Variants in UNC13B observed in about 807,000 individuals in gnomAD.
UNC13B encodes the protein protein unc-13 homolog B.
UNC13B carries 144 observed loss-of-function variants against 211.0 expected under a neutral mutation model. The ratio of observed to expected loss-of-function variants is 0.68; its 90% confidence interval spans 0.60 to 0.78. The LOEUF (loss-of-function observed/expected upper bound fraction) is 0.78. Ranked by LOEUF, UNC13B falls within the 30% of genes least tolerant of loss-of-function variation. The pLI is 0.00. For synonymous variants in UNC13B, 709 were observed against 725.8 expected (o/e 0.98, Z 0.37); for missense variants, 1,777 against 2,002.0 (o/e 0.89, Z 2.14).
intron 24 of UNC13B, among the ~76,000 whole-genome samples, chr9:35,388,653 TAGC>T (rs977042784): frequency 1.3e-5 from 2 of 152,234 alleles, no homozygotes; most frequent in African/African-American, 4.8e-5. Flanking sequence ...GTAAAGGTCT[TAGC>T]AGAGTGTGCG....
chr9:35,399,078 AGATGCTATCG>A, intron 33 of UNC13B, 44 bp downstream of exon 33: 1 of 1,613,690 alleles, frequency 6.2e-7, no homozygotes, highest in South Asian at 1.1e-5. Flanking sequence ...TGAGCAAAGC[AGATGCTATCG>A]GGCAAGGGAG....
chr9:35,402,464 A>ATTTTTACCC (rs1311367958), intron 37 of UNC13B, among the ~76,000 whole-genome samples: 3 of 151,566 alleles, frequency 2.0e-5, no homozygotes, highest in Non-Finnish European at 4.4e-5. Flanking sequence ...TTGTATTTTT[A>ATTTTTACCC]GTAGAGACGG....
rs759752944 is a variant in UNC13B, at chr9:35,377,599, A to G, written c.9967A>G (p.Thr3323Ala). ...CTTTGAAGTTATCCGGGACGTCTTCACAGTGAACAAAGCTGCCCATGTGCA... is the reference window on the plus strand; with the variant it reads ...CTTTGAAGTTATCCGGGACGTCTTCGCAGTGAACAAAGCTGCCCATGTGCA... ...EIFEVIRDVF[T>A]VNKAAHVQQM... Residue 3323 changes from threonine (T) to alanine (A), a missense_variant, in exon 16 of 40, where the codon ACA (threonine) becomes GCA (alanine). Thr to Ala is a moderately conservative substitution (Grantham distance 58, BLOSUM62 0). Coordinates refer to ENST00000635942, the MANE Select transcript of UNC13B (RefSeq NM_001371189.2). 1 of 1,614,254 alleles carries G rather than the reference A, an allele frequency of 6.2e-7. No individual in the cohort carries two copies. Among genetic ancestry groups the G allele is most frequent in the South Asian group, 1.1e-5 (1 of 91,090 alleles).
At chr9:35,381,429 A>C in intron 19 of UNC13B, 127 bp from the exon 20 acceptor site, 2 of 1,228,738 alleles carry the variant, frequency 1.6e-6, no homozygotes, top group Non-Finnish European at 1.1e-6. Context: ...GGAGGAACTG[A>C]GCAATGACTG....
intron 11 of UNC13B, chr9:35,364,503 C>T (rs891408726): frequency 5.7e-5 from 87 of 1,535,574 alleles, no homozygotes; most frequent in Non-Finnish European, 7.4e-5. Flanking sequence ...ACTGACTCTA[C>T]TAACCTTTCT....
chr9:35,193,012 C>T (rs966991232), intron 1 of UNC13B, among the ~76,000 whole-genome samples: 1 of 152,158 alleles, frequency 6.6e-6, no homozygotes, highest in Admixed American at 6.5e-5. Flanking sequence ...GCAGGTGTGA[C>T]CCCCAGCCAT....
At chr9:35,311,041 C>G (rs1325750831) in intron 10 of UNC13B, among the ~76,000 whole-genome samples, 3 of 152,268 alleles carry the variant, frequency 2.0e-5, no homozygotes, top group Middle Eastern at 3.4e-3. Flanking sequence ...CTGGCACGAT[C>G]TTGGCTCACT....
At chr9:35,331,628 C>G (rs956305611) in intron 11 of UNC13B, among the ~76,000 whole-genome samples, 4 of 152,204 alleles carry the variant, frequency 2.6e-5, no homozygotes, top group African/African-American at 9.7e-5. Flanking sequence ...TTTTCCTATT[C>G]TCCAAGAGCT....
chr9:35,376,039 G>A lies in UNC13B; in HGVS notation c.9627G>A (p.Val3209=), dbSNP rs1834381317. Residue 3209 remains valine, a synonymous_variant, in exon 15 of 40, where the codon GTG becomes GTA. Coordinates refer to ENST00000635942, the MANE Select transcript of UNC13B (RefSeq NM_001371189.2). ...TATGTGTCTTTCAGAAATCCCACGTGTATAAGAAAACCCTGCAGGCCTTAA... is the reference window on the plus strand; with the variant it reads ...TATGTGTCTTTCAGAAATCCCACGTATATAAGAAAACCCTGCAGGCCTTAA... ...SLKDEELKSH[V]YKKTLQALIY... 1.9e-6 allele frequency: 3 copies of A among 1,614,048 alleles called. No homozygotes were observed. The African/African-American group carries it at 4.0e-5, about 22-fold the overall frequency.
At chr9:35,239,328 C>G (rs906842461) in intron 5 of UNC13B, among the ~76,000 whole-genome samples, 1 of 152,028 alleles carries the variant, frequency 6.6e-6, no homozygotes, top group Non-Finnish European at 1.5e-5. Flanking sequence ...CGTCACATGT[C>G]GGCAGGTTCT....
In UNC13B at chr9:35,301,706, A is replaced by C; in HGVS notation, c.2302A>C (p.Lys768Gln). 1 of 398,926 alleles carries C rather than the reference A, an allele frequency of 2.5e-6. No individual in the cohort carries two copies. Among genetic ancestry groups the C allele is most frequent in the African/African-American group, 2.1e-5 (1 of 48,766 alleles). 24.7% of individuals were successfully genotyped at this position (398,926 alleles called of 1,614,324 possible). Residue 768 changes from lysine (K) to glutamine (Q), a missense_variant, in exon 9 of 40, where the codon AAA becomes CAA. By Grantham distance (53) the Lys-to-Gln change is moderately conservative. Coordinates refer to ENST00000635942, the MANE Select transcript of UNC13B (RefSeq NM_001371189.2). ...TCTGTCTCTTTTACCAGATCAACAA[A>C]AAATATGTGCCAAAGATACTCCAGG... ...IDLSLLPDQQ[K>Q]ICAKDTPGHP...
chr9:35,211,770 GTAT>G (rs1190723315), intron 1 of UNC13B, among the ~76,000 whole-genome samples: 3 of 152,156 alleles, frequency 2.0e-5, no homozygotes, highest in African/African-American at 7.2e-5. Flanking sequence ...TTGTAGAGCA[GTAT>G]TATTAAAGAT....
intron 10 of UNC13B, among the ~76,000 whole-genome samples, chr9:35,313,445 C>T (rs1030615027): frequency 6.6e-6 from 1 of 151,610 alleles, no homozygotes; most frequent in Non-Finnish European, 1.5e-5. Context: ...GGCAACATGG[C>T]GAAACATCGT....
chr9:35,308,398 C>G lies in UNC13B; in HGVS notation c.8994C>G (p.Pro2998=). ...QPVTLNDIKE[P]MTNKSPTSSS... ...TCACTCTGAATGACATCAAGGAGCCCATGACCAACAAAAGGCCTGTTCTTA... is the reference window on the plus strand; with the variant it reads ...TCACTCTGAATGACATCAAGGAGCCGATGACCAACAAAAGGCCTGTTCTTA... The change falls in exon 9 of 40, where the codon CCC becomes CCG. Residue 2998 remains proline, a synonymous_variant. Coordinates refer to ENST00000635942, the MANE Select transcript of UNC13B (RefSeq NM_001371189.2). 5.0e-6 allele frequency: 2 copies of G among 398,966 alleles called. No homozygotes were observed. Among genetic ancestry groups the G allele is most frequent in the East Asian group, 7.1e-5 (2 of 28,080 alleles). 24.7% of individuals were successfully genotyped at this position (398,966 alleles called of 1,614,324 possible).
chr9:35,300,639 A>T lies in UNC13B; in HGVS notation c.1235A>T (p.Glu412Val). ...CACCATATTGGAGATTTTCCTGAGG[A>T]ATATTATGTAGCAAATTCAGCATTG... Reference protein sequence around the residue: ...NVHHIGDFPEEYYVANSALPL... With the variant: ...NVHHIGDFPEVYYVANSALPL... The change falls in exon 9 of 40, where the codon GAA (glutamate) becomes GTA (valine). Residue 412 changes from glutamate (E) to valine (V), a missense_variant. Physicochemically the swap from Glu to Val is moderately radical, Grantham distance 121 (BLOSUM62 -2). Coordinates refer to ENST00000635942, the MANE Select transcript of UNC13B (RefSeq NM_001371189.2). 2.5e-6 allele frequency: 1 copy of T among 398,974 alleles called. No homozygotes were observed. The allele number at this position is 398,974 out of a possible 1,614,324, so 24.7% of individuals were successfully genotyped here.
At chr9:35,188,077 CAA>C (rs1228634518) in intron 1 of UNC13B, among the ~76,000 whole-genome samples, 2 of 152,170 alleles carry the variant, frequency 1.3e-5, no homozygotes, top group Non-Finnish European at 2.9e-5. Flanking sequence ...ATATTCCAAG[CAA>C]AAGTCAGAAA....
intron 22 of UNC13B, chr9:35,385,411 A>G: frequency 2.0e-6 from 2 of 985,410 alleles, no homozygotes; most frequent in Non-Finnish European, 2.4e-6. Context: ...CCAAGAAAAA[A>G]GCATGTGTGT....
intron 7 of UNC13B, among the ~76,000 whole-genome samples, chr9:35,289,266 G>A (rs147521757): frequency 3.9e-4 from 59 of 152,292 alleles, no homozygotes; most frequent in African/African-American, 1.4e-3. Context: ...GGCATCATAT[G>A]ATGTTCCTAG....
chr9:35,255,514 G>T (rs958463521), intron 6 of UNC13B, among the ~76,000 whole-genome samples: 1 of 152,080 alleles, frequency 6.6e-6, no homozygotes, highest in Non-Finnish European at 1.5e-5. Flanking sequence ...GAGCATTCGG[G>T]CATCAGAGTT....
Sources: gnomAD v4.1 joint callset for allele counts (sites outside exome capture counted in the v4.1 genomes callset) on GRCh38, gnomAD v4.1.1 for gene constraint, MANE v1.5 for transcripts, NCBI Gene and HGNC (gene_info 2026-07-23, HGNC 2026-07-21) for gene names.